ZNF248: variants seen among roughly 807,000 people sequenced by gnomAD.
ZNF248 encodes KRAB protein domain.
In ZNF248, 20 loss-of-function variants were observed where a neutral mutation model predicts 44.3. The observed-to-expected ratio is 0.45, with a 90% CI of 0.32 to 0.66. The LOEUF is 0.66. ZNF248 is among the 30% of genes least tolerant of loss of function. The pLI is 0.04. For synonymous variants in ZNF248, 224 were observed against 229.0 expected, an observed-to-expected ratio of 0.98 and a Z score of 0.20; for missense variants, 654 against 677.0, an observed-to-expected ratio of 0.97 and a Z score of 0.38.
chr10:37,835,154 G>A (rs1345124081), intron 5 of ZNF248, among the ~76,000 whole-genome samples: 1 of 149,062 alleles, frequency 6.7e-6, no homozygotes, highest in African/African-American at 2.4e-5. Context: ...GAACCAACTA[G>A]GAATTAGAAA....
At chr10:37,785,734 TCCTC>T (rs2047810060) in intron 6 of ZNF248, among the ~76,000 whole-genome samples, 3 of 152,232 alleles carry the variant, frequency 2.0e-5, no homozygotes, top group African/African-American at 7.2e-5. Context: ...GATGGGGAAA[TCCTC>T]CCAATGAACA....
downstream of ZNF248, among the ~76,000 whole-genome samples, chr10:37,824,912 T>G (rs1257075517): frequency 6.7e-6 from 1 of 149,206 alleles, no homozygotes; most frequent in Non-Finnish European, 1.5e-5. Flanking sequence ...ATGGTCTCGA[T>G]CTCCTGACCT....
intron 6 of ZNF248, among the ~76,000 whole-genome samples, chr10:37,796,671 T>C (rs1420264758): frequency 1.3e-5 from 2 of 152,132 alleles, no homozygotes; most frequent in Non-Finnish European, 2.9e-5. Context: ...AAATCCCATT[T>C]TCCCCCTTTC....
At chr10:37,766,987 C>T in the ZNF248 span, among the ~76,000 whole-genome samples, 1 of 152,074 alleles carries the variant, frequency 6.6e-6, no homozygotes, top group Admixed American at 6.6e-5. Flanking sequence ...GCAGAAGTCT[C>T]AGGAGCCGAT....
chr10:37,766,944 T>C, the ZNF248 span, among the ~76,000 whole-genome samples: 1 of 152,038 alleles, frequency 6.6e-6, no homozygotes, highest in Non-Finnish European at 1.5e-5. Flanking sequence ...CTGATGGAGC[T>C]GAAAGCCAAG....
intron 5 of ZNF248, among the ~76,000 whole-genome samples, chr10:37,836,208 A>C (rs1234317821): frequency 6.6e-6 from 1 of 152,154 alleles, no homozygotes; most frequent in Non-Finnish European, 1.5e-5. Flanking sequence ...TCTGAAGCAC[A>C]TAATGGTACC....
chr10:37,790,118 A>G lies in ZNF248; in HGVS notation c.331-13543T>C, dbSNP rs867829642. Among the ~76,000 whole-genome samples the G allele has an allele frequency of 8.7e-4, 132 of 151,648 alleles. 1 individual carries two copies. In the Middle Eastern group the frequency reaches 0.024, roughly 28 times the overall value. ...CTACTGAAAATACAAAAAAAAAAAA[A>G]AAATGAGACAGGCGCGGTGGCAGGT... On this transcript the variant is annotated intron_variant, in intron 6 of 6. Transcript: ENST00000615949.
At chr10:37,844,463 G>C (rs549500878) in intron 3 of ZNF248, among the ~76,000 whole-genome samples, 34 of 152,308 alleles carry the variant, frequency 2.2e-4, no homozygotes, top group African/African-American at 8.2e-4. Context: ...TTTGCATTTT[G>C]TAAGTCCAAT....
rs1473628303 is a variant in ZNF248 at position 37,831,787 on chromosome 10, T to C, written c.1568A>G (p.Asn523Ser). 13 of 1,612,974 alleles carry C rather than the reference T, an allele frequency of 8.1e-6. No homozygotes were observed. Among genetic ancestry groups the C allele is most frequent in the Middle Eastern group, 1.6e-4 (1 of 6,076 alleles). Reference sequence around the variant, plus strand: ...TTCACAGAAGGTTTTCCCACATTCATTACACTTATATGGTTTCTCCCCAGT... The same window carrying C: ...TTCACAGAAGGTTTTCCCACATTCACTACACTTATATGGTTTCTCCCCAGT... ...THTGEKPYKC[N>S]ECGKTFCEKS... The change falls in exon 6 of 6, where the codon AAT becomes AGT. Residue 523 changes from asparagine (N) to serine (S), a missense_variant. Physicochemically the swap from Asn to Ser is conservative, Grantham distance 46. Transcript: ENST00000395867.
chr10:37,771,165 C>T, the ZNF248 span, among the ~76,000 whole-genome samples: 1 of 152,196 alleles, frequency 6.6e-6, no homozygotes, highest in Non-Finnish European at 1.5e-5. Context: ...CACTTTTACA[C>T]TGTTGGTGGG....
chr10:37,801,219 A>T (rs2049779296), intron 6 of ZNF248, among the ~76,000 whole-genome samples: 1 of 134,126 alleles, frequency 7.5e-6, no homozygotes, highest in Non-Finnish European at 1.8e-5. Flanking sequence ...TATGAAAAAT[A>T]AAAAAAATTA....
downstream of ZNF248, among the ~76,000 whole-genome samples, chr10:37,824,385 G>A (rs1335746917): frequency 6.6e-6 from 1 of 152,040 alleles, no homozygotes; most frequent in Non-Finnish European, 1.5e-5. Context: ...AAGAATGTTA[G>A]ACCAAGCATC....
At chr10:37,822,967 A>G (rs1029482842) in intron 6 of ZNF248, among the ~76,000 whole-genome samples, 9 of 152,174 alleles carry the variant, frequency 5.9e-5, no homozygotes, top group African/African-American at 2.2e-4. Context: ...AGATGTTTAC[A>G]TGTTCTAAAA....
chr10:37,813,711 C>A (rs1345957754), intron 6 of ZNF248, among the ~76,000 whole-genome samples: 2 of 152,002 alleles, frequency 1.3e-5, no homozygotes, highest in African/African-American at 4.8e-5. Context: ...CAATAGTATG[C>A]CACTAGTAGT....
At chr10:37,812,386 G>A (rs1218718453) in intron 6 of ZNF248, among the ~76,000 whole-genome samples, 2 of 152,106 alleles carry the variant, frequency 1.3e-5, no homozygotes, top group Non-Finnish European at 2.9e-5. Context: ...ATTAAAGGCA[G>A]GAAGGGAAAG....
In ZNF248 at chr10:37,830,323, A is replaced by C; in HGVS notation, c.*1292T>G. On this transcript the variant is annotated 3_prime_UTR_variant, in exon 6 of 6. Transcript: ENST00000395867. ...TCTTTACTGAAGTGATAGTTCAATA[A>C]TGGCCATATTCATGCATATATGCCA... 1.0e-6 allele frequency: 1 copy of C among 985,382 alleles called. No individual in the cohort carries two copies. Among genetic ancestry groups the C allele is most frequent in the African/African-American group, 1.7e-5 (1 of 57,342 alleles). 61.0% of individuals were successfully genotyped at this position (985,382 alleles called of 1,614,324 possible).
chr10:37,836,719 T>A (rs1310425898), intron 5 of ZNF248, among the ~76,000 whole-genome samples: 1 of 151,838 alleles, frequency 6.6e-6, no homozygotes, highest in Non-Finnish European at 1.5e-5. Flanking sequence ...TGTACCTATA[T>A]ACACACACAT....
the ZNF248 span, among the ~76,000 whole-genome samples, chr10:37,768,643 G>C: frequency 4.6e-5 from 7 of 152,132 alleles, no homozygotes; most frequent in East Asian, 5.8e-4. Context: ...GAAATTTATA[G>C]CACTAAATGC....
At chr10:37,766,390 G>A in the ZNF248 span, among the ~76,000 whole-genome samples, 1 of 152,110 alleles carries the variant, frequency 6.6e-6, no homozygotes, top group Non-Finnish European at 1.5e-5. Context: ...CACATGGCCG[G>A]GTACTCCTCT....
Sources: allele counts gnomAD v4.1 joint callset (sites outside exome capture counted in the v4.1 genomes callset), GRCh38; gene constraint gnomAD v4.1.1; transcripts MANE v1.5; gene names NCBI Gene and HGNC (gene_info 2026-07-23, HGNC 2026-07-21).